The following ALG9 variants were observed in gnomAD, a reference collection of about 807,000 sequenced individuals.
ALG9 encodes ALG9 alpha-1,2-mannosyltransferase, also known as alpha-1,2-mannosyltransferase ALG9.
ALG9 carries 55 observed loss-of-function variants against 81.8 expected under a neutral mutation model. That is an observed-to-expected ratio of 0.67 (90% CI 0.54 to 0.84). ALG9 has a LOEUF of 0.84. Ranked by LOEUF, ALG9 falls within the 40% of genes least tolerant of loss-of-function variation. ALG9 has a pLI of 0.00. For missense variants in ALG9, 629 were observed against 745.0 expected (o/e 0.84, Z 1.81); for synonymous variants, 278 against 274.3 (o/e 1.01, Z -0.13).
At chr11:111,817,317 T>C (rs1235684501) in intron 13 of ALG9, 2 of 152,268 alleles carry the variant, frequency 1.3e-5, no homozygotes, top group Non-Finnish European at 2.9e-5. Flanking sequence ...GTAAGCACTC[T>C]AGTTACTACT....
At chr11:111,819,340 G>A (rs1951967070) in intron 13 of ALG9, among the ~76,000 whole-genome samples, 1 of 152,216 alleles carries the variant, frequency 6.6e-6, no homozygotes, top group South Asian at 2.1e-4. Context: ...TAAAAATAGA[G>A]ATCTCTGGCA....
intron 14 of ALG9, among the ~76,000 whole-genome samples, chr11:111,786,748 A>G (rs1946528699): frequency 6.6e-6 from 1 of 152,226 alleles, no homozygotes; most frequent in Non-Finnish European, 1.5e-5. Flanking sequence ...AAGCCACAGT[A>G]TATCCTTCAG....
chr11:111,780,558 A>G (rs1945877270), downstream of ALG9, among the ~76,000 whole-genome samples: 1 of 151,876 alleles, frequency 6.6e-6, no homozygotes, highest in South Asian at 2.1e-4. Context: ...CATCATGCCC[A>G]GCTAATTTTT....
In ALG9 at chr11:111,809,223, G is replaced by T. The variant is rs34147914; in HGVS notation, c.1733+420C>A. Among the ~76,000 whole-genome samples, 699 of 152,140 alleles carry T rather than the reference G, an allele frequency of 4.6e-3. 7 individuals are homozygous for T. The highest frequency in any genetic ancestry group is 0.01 in the South Asian group (49 of 4,820). ...ATCTTTAAGATTTCTCAGGAAACTG[G>T]GCCCAAATAAAAAGAAAATGATGGG... On this transcript the variant is annotated intron_variant, in intron 14 of 14. Transcript: ENST00000616540.
intron 14 of ALG9, among the ~76,000 whole-genome samples, chr11:111,799,152 A>C (rs1948728560): frequency 6.6e-6 from 1 of 152,030 alleles, no homozygotes; most frequent in Non-Finnish European, 1.5e-5. Flanking sequence ...CTCACAGTAT[A>C]ATTTTTTTTT....
chr11:111,830,840 C>G (rs943094677), intron 13 of ALG9, among the ~76,000 whole-genome samples: 1 of 151,830 alleles, frequency 6.6e-6, no homozygotes, highest in South Asian at 2.1e-4. Flanking sequence ...AAGTAAGTAC[C>G]TGTCATATAT....
chr11:111,829,919 GAC>G (rs1555112188), intron 13 of ALG9, among the ~76,000 whole-genome samples: 1 of 152,172 alleles, frequency 6.6e-6, no homozygotes, highest in African/African-American at 2.4e-5. Context: ...CCCGGCTCAG[GAC>G]ACATGTCTCA....
intron 14 of ALG9, among the ~76,000 whole-genome samples, chr11:111,807,318 G>C (rs1439759911): frequency 4.6e-5 from 7 of 152,068 alleles, no homozygotes; most frequent in African/African-American, 1.7e-4. Flanking sequence ...CTCAGCTCCA[G>C]CCTCACTGGC....
chr11:111,788,522 T>C (rs1447828971), intron 14 of ALG9: 3 of 448,788 alleles, frequency 6.7e-6, no homozygotes, highest in Non-Finnish European at 1.3e-5. Flanking sequence ...GGTGGGAGGA[T>C]TGCTTGAGCC....
Position 111,870,323 on chromosome 11 carries a change from G to C in ALG9, c.179C>G (p.Thr60Ser), listed in dbSNP as rs782105238. Reference sequence around the variant, plus strand: ...TGCTGAAAGCAGACACTTGAAAGCAGTAGATCCTTCAGGTGCCCAGACTTG... The same window carrying C: ...TGCTGAAAGCAGACACTTGAAAGCACTAGATCCTTCAGGTGCCCAGACTTG... ...AGQVWAPEGS[T>S]AFKCLLSARL... is the part of the protein sequence containing the mutation. Residue 60 changes from threonine (T) to serine (S), a missense_variant, in exon 2 of 15, where the codon ACT becomes AGT. Physicochemically the swap from Thr to Ser is moderately conservative, Grantham distance 58. Coordinates refer to ENST00000616540, the MANE Select transcript of ALG9 (RefSeq NM_024740.2). 1 of 1,537,520 alleles carries C rather than the reference G, an allele frequency of 6.5e-7. No individual in the cohort carries two copies. Among genetic ancestry groups the C allele is most frequent in the East Asian group, 2.6e-5 (1 of 38,416 alleles).
intron 7 of ALG9, 64 bp downstream of exon 7, chr11:111,853,585 T>A: frequency 6.3e-7 from 1 of 1,577,812 alleles, no homozygotes; most frequent in Non-Finnish European, 8.7e-7. Context: ...TGATGTTCCT[T>A]TTTTCACATC....
intron 1 of ALG9, 26 bp from the exon 2 acceptor site, chr11:111,870,396 A>AT: frequency 6.6e-7 from 1 of 1,521,478 alleles, no homozygotes; most frequent in Admixed American, 2.6e-5. Flanking sequence ...AAAAAAAAAA[A>AT]AAAAAAAAGC....
intron 4 of ALG9, among the ~76,000 whole-genome samples, chr11:111,861,910 TC>T (rs1278158892): frequency 2.0e-5 from 3 of 152,204 alleles, no homozygotes; most frequent in African/African-American, 7.2e-5. Flanking sequence ...TCTTTTTTGG[TC>T]TTCTGGCTGT....
intron 13 of ALG9, among the ~76,000 whole-genome samples, chr11:111,826,868 C>G (rs928586759): frequency 3.3e-5 from 5 of 151,936 alleles, no homozygotes; most frequent in African/African-American, 1.2e-4. Flanking sequence ...TTTTATTGTT[C>G]TTTTTCTATT....
Position 111,838,325 on chromosome 11 carries a change from T to A in ALG9, c.1248A>T (p.Thr416=). The change falls in exon 11 of 15, where the codon ACA becomes ACT. Residue 416 remains threonine (T), a synonymous_variant. Transcript: ENST00000616540. ...CAGTTCCTAATGCCAGCCAATTCGATGTCACAGTATAGTGCTCCAGGCGAT... is the reference window on the plus strand; with the variant it reads ...CAGTTCCTAATGCCAGCCAATTCGAAGTCACAGTATAGTGCTCCAGGCGAT... ...QRYRLEHYTV[T]SNWLALGTVF... 6.2e-7 allele frequency: 1 copy of A among 1,614,124 alleles called. No individual in the cohort carries two copies. The highest frequency in any genetic ancestry group is 8.5e-7 in the Non-Finnish European group (1 of 1,179,950).
At chr11:111,868,829 A>G in intron 2 of ALG9, 93 bp from the exon 3 acceptor site, 2 of 1,363,154 alleles carry the variant, frequency 1.5e-6, no homozygotes, top group Non-Finnish European at 2.0e-6. Flanking sequence ...AAATATTAAA[A>G]ACAAAGGCAA....
intron 13 of ALG9, among the ~76,000 whole-genome samples, chr11:111,816,554 ATTCT>A (rs1156302920): frequency 2.0e-5 from 3 of 151,652 alleles, no homozygotes; most frequent in East Asian, 1.9e-4. Flanking sequence ...CCAGCTGGCC[ATTCT>A]TTCTTTCTTT....
At chr11:111,808,874 T>A (rs782053422) in intron 14 of ALG9, among the ~76,000 whole-genome samples, 12 of 152,190 alleles carry the variant, frequency 7.9e-5, no homozygotes, top group Admixed American at 2.6e-4. Flanking sequence ...TCCCCTCTTA[T>A]CATTAATTCT....
chr11:111,832,213 T>C (rs1954488977), intron 13 of ALG9, among the ~76,000 whole-genome samples: 1 of 152,238 alleles, frequency 6.6e-6, no homozygotes, highest in African/African-American at 2.4e-5. Flanking sequence ...ACATTTATTG[T>C]AGTATTTATG....
Sources: allele counts gnomAD v4.1 joint callset (sites outside exome capture counted in the v4.1 genomes callset), GRCh38; gene constraint gnomAD v4.1.1; transcripts MANE v1.5; gene names NCBI Gene and HGNC (gene_info 2026-07-23, HGNC 2026-07-21).